The following MTA1 variants were observed in gnomAD, a reference collection of about 807,000 sequenced individuals.
MTA1 encodes metastasis-associated protein MTA1.
In MTA1, 15 loss-of-function variants were observed where a neutral mutation model predicts 97.0. The ratio of observed to expected loss-of-function variants is 0.15; its 90% CI spans 0.10 to 0.24. The LOEUF (loss-of-function observed/expected upper bound fraction) is 0.24. MTA1 is among the 10% of genes least tolerant of loss of function. The pLI is 1.00. For missense variants in MTA1, 709 were observed against 1,015.1 expected (o/e 0.70, Z 4.10); for synonymous variants, 435 against 417.5 (o/e 1.04, Z -0.51).
intron 6 of MTA1, among the ~76,000 whole-genome samples, chr14:105,451,796 T>G (rs1401672525): frequency 2.1e-5 from 3 of 143,778 alleles, no homozygotes; most frequent in African/African-American, 7.7e-5. Flanking sequence ...TTTTTTTTTT[T>G]TTTTTTTTTT....
At chr14:105,458,430 C>G (rs1400797469) in intron 8 of MTA1, 58 bp downstream of exon 8, 3 of 1,498,486 alleles carry the variant, frequency 2.0e-6, no homozygotes, top group Non-Finnish European at 2.8e-6. Context: ...TCTGTTCTCC[C>G]TTCCCTGTGG....
rs1595397211 is a variant in MTA1 at position 105,460,652 on chromosome 14, G to A, written c.754-113G>A. 11 of 1,295,654 alleles carry A rather than the reference G, an allele frequency of 8.5e-6. No individual in the cohort carries two copies. The East Asian group carries it at 2.8e-4, about 33-fold the overall frequency. 80.3% of individuals were successfully genotyped at this position (1,295,654 alleles called of 1,614,324 possible). A position where few individuals can be genotyped will look rare whatever the true frequency, so the allele number is the denominator to read the frequency against. ...CTGTGCTGAGGGTGCAGGGAGGGTT[G>A]TGCTGCTGGGCCTGCAGTAGGGGAT... On this transcript the variant is annotated intron_variant, in intron 9 of 20. Coordinates refer to ENST00000331320, the MANE Select transcript of MTA1 (RefSeq NM_004689.4).
At chr14:105,448,332 G>A (rs587758184) in intron 3 of MTA1, among the ~76,000 whole-genome samples, 4 of 152,228 alleles carry the variant, frequency 2.6e-5, no homozygotes, top group East Asian at 1.9e-4. Context: ...GGCCCACCTC[G>A]CCCGCATCTC....
At chr14:105,452,969 T>C (rs1337974829) in intron 6 of MTA1, among the ~76,000 whole-genome samples, 2 of 152,204 alleles carry the variant, frequency 1.3e-5, no homozygotes, top group Non-Finnish European at 2.9e-5. Context: ...CAGGCACACA[T>C]GCAGAAGAAA....
rs782124068 is a variant in MTA1 at position 105,464,556 on chromosome 14, C to T, written c.1333C>T (p.Arg445Cys). 14 of 1,612,882 alleles carry T rather than the reference C, an allele frequency of 8.7e-6. No homozygotes were observed. Among genetic ancestry groups the T allele is most frequent in the Non-Finnish European group, 1.2e-5 (14 of 1,179,906 alleles). The change falls in exon 14 of 21, where the codon CGC (arginine) becomes TGC (cysteine). Residue 445 changes from arginine (R) to cysteine (C), a missense_variant. This residue lies in a region of MTA1 where 388 missense variants were observed against 421.6 expected (regional missense o/e 0.92). Coordinates refer to ENST00000331320, the MANE Select transcript of MTA1 (RefSeq NM_004689.4). ...RLDGERPGPN[R>C]SNMSPHGLPA... Reference sequence around the variant, plus strand: ...AGATGGAGAGAGGCCAGGACCAAACCGCAGTAACATGGTAAGGGGGGGGAC... The same window carrying T: ...AGATGGAGAGAGGCCAGGACCAAACTGCAGTAACATGGTAAGGGGGGGGAC...
In MTA1 at chr14:105,458,379, C is replaced by G; in HGVS notation, c.653+7C>G. The G allele has an allele frequency of 6.2e-7, 1 of 1,611,838 alleles. No individual in the cohort carries two copies. Among genetic ancestry groups the G allele is most frequent in the Middle Eastern group, 1.7e-4 (1 of 6,056 alleles). ...AGTTCCTGGTGGTGGCCCGGTGAGT[C>G]CTGCTCCTGGGCAAGGCCAGCAGGG... On this transcript the variant is annotated splice_region_variant and intron_variant, in intron 8 of 20. Coordinates refer to ENST00000331320, the MANE Select transcript of MTA1 (RefSeq NM_004689.4).
intron 3 of MTA1, among the ~76,000 whole-genome samples, chr14:105,448,009 G>A (rs1307051467): frequency 6.6e-6 from 1 of 152,150 alleles, no homozygotes; most frequent in African/African-American, 2.4e-5. Flanking sequence ...CCTCAGGGTG[G>A]AGGGTAGACA....
At position 105,464,509 on chromosome 14, in the gene MTA1, G is replaced by A. The variant is rs1447916152; in HGVS notation, c.1286G>A (p.Gly429Asp). ...TGGACATATTGGAAGAAATATGGTG[G>A]CTTGAAAATGCCAACCCGGTTAGAT... ...SCWTYWKKYG[G>D]LKMPTRLDGE... The change falls in exon 14 of 21, where the codon GGC becomes GAC. Residue 429 changes from glycine to aspartate, a missense_variant. By Grantham distance (94) the Gly-to-Asp change is moderately conservative. This residue lies in a region of MTA1 where 321 missense variants were observed against 593.5 expected (regional missense o/e 0.54). Coordinates refer to ENST00000331320, the MANE Select transcript of MTA1 (RefSeq NM_004689.4). The A allele has an allele frequency of 6.2e-7, 1 of 1,613,276 alleles. No homozygotes were observed. The highest frequency in any genetic ancestry group is 1.3e-5 in the African/African-American group (1 of 74,918).
chr14:105,448,207 G>C (rs1321115162), intron 3 of MTA1, among the ~76,000 whole-genome samples: 2 of 152,110 alleles, frequency 1.3e-5, no homozygotes, highest in Admixed American at 1.3e-4. Flanking sequence ...TCACGCTTAG[G>C]GGTGTATCCA....
chr14:105,421,189 T>C (rs1275238365), intron 1 of MTA1, among the ~76,000 whole-genome samples: 1 of 152,114 alleles, frequency 6.6e-6, no homozygotes, highest in Admixed American at 6.5e-5. Context: ...CCCTGTCCTC[T>C]CAGAGGGGCG....
intron 6 of MTA1, among the ~76,000 whole-genome samples, 155 bp downstream of exon 6, chr14:105,450,479 T>A (rs1414770783): frequency 6.6e-6 from 1 of 152,212 alleles, no homozygotes; most frequent in African/African-American, 2.4e-5. Context: ...GTCCTGACTG[T>A]CACTTCCAGG....
chr14:105,448,509 G>T (rs368135577), intron 3 of MTA1, among the ~76,000 whole-genome samples: 24 of 152,198 alleles, frequency 1.6e-4, no homozygotes, highest in African/African-American at 5.5e-4. Context: ...TGGTGTGTGG[G>T]CCTCTGGGCC....
At chr14:105,421,648 C>A (rs587759816) in intron 1 of MTA1, among the ~76,000 whole-genome samples, 1 of 152,366 alleles carries the variant, frequency 6.6e-6, no homozygotes, top group South Asian at 2.1e-4. Context: ...GGCTGCCCCC[C>A]CTCCAACCTT....
intron 3 of MTA1, among the ~76,000 whole-genome samples, chr14:105,447,426 G>A (rs1555427462): frequency 6.6e-6 from 1 of 152,222 alleles, no homozygotes; most frequent in Non-Finnish European, 1.5e-5. Context: ...GTTTTTGAGG[G>A]TACTGTGGCC....
At chr14:105,434,173 T>C (rs185858301) in intron 1 of MTA1, among the ~76,000 whole-genome samples, 3 of 152,382 alleles carry the variant, frequency 2.0e-5, no homozygotes. Context: ...TTAGTCCCTA[T>C]GTAATATCCT....
At chr14:105,426,160 G>A (rs1487544496) in intron 1 of MTA1, among the ~76,000 whole-genome samples, 3 of 152,106 alleles carry the variant, frequency 2.0e-5, no homozygotes, top group African/African-American at 4.8e-5. Context: ...GTGCGGTTGG[G>A]GGACCCCTGG....
At chr14:105,429,132 T>G (rs2082096423) in intron 1 of MTA1, among the ~76,000 whole-genome samples, 1 of 152,188 alleles carries the variant, frequency 6.6e-6, no homozygotes, top group Admixed American at 6.5e-5. Flanking sequence ...TCCCTCAGCC[T>G]TCGTAGAACT....
chr14:105,441,980 A>T lies in MTA1; in HGVS notation c.96+3241A>T, dbSNP rs587759198. Among the ~76,000 whole-genome samples the T allele has an allele frequency of 7.2e-5, 11 of 152,258 alleles. No homozygotes were observed. In the South Asian group the frequency reaches 1.7e-3, roughly 23 times the overall value. On this transcript the variant is annotated intron_variant, in intron 2 of 20. Transcript: ENST00000331320. ...GAGAAGTAGCAAATGAAATGAAAGGATCAGGTGATAAAGTTGAGGATACCG... is the reference window on the plus strand; with the variant it reads ...GAGAAGTAGCAAATGAAATGAAAGGTTCAGGTGATAAAGTTGAGGATACCG...
intron 10 of MTA1, among the ~76,000 whole-genome samples, chr14:105,461,546 G>C (rs1595400423): frequency 6.6e-6 from 1 of 152,258 alleles, no homozygotes; most frequent in Admixed American, 6.5e-5. Context: ...CAGCCCTGGG[G>C]AGGTGGAGAC....
Sources: allele counts gnomAD v4.1 joint callset (sites outside exome capture counted in the v4.1 genomes callset), GRCh38; gene constraint gnomAD v4.1.1; regional missense constraint gnomAD v4.1.1; transcripts MANE v1.5; gene names NCBI Gene and HGNC (gene_info 2026-07-23, HGNC 2026-07-21).